The following ZNF469 variants were observed in gnomAD, a reference collection of about 807,000 sequenced individuals.
The protein encoded by ZNF469 is zinc finger protein 469.
Under a neutral mutation model 1.0 loss-of-function variants are expected in ZNF469, and 1 was observed. The ratio of observed to expected loss-of-function variants is 1.00; its 90% CI spans 0.35 to 4.73. ZNF469 has a LOEUF of 4.73. Ranked by LOEUF, ZNF469 falls within the 30% of genes most tolerant of loss-of-function variation. The pLI, the probability that ZNF469 is intolerant of heterozygous loss-of-function variation, is 0.16. For synonymous variants in ZNF469, 2,703 were observed against 2,363.4 expected, an observed-to-expected ratio of 1.14 and a Z score of -4.17; for missense variants, 6,100 against 5,356.3, an observed-to-expected ratio of 1.14 and a Z score of -4.33.
At chr16:88,297,908 G>A in the ZNF469 span, among the ~76,000 whole-genome samples, 1 of 152,132 alleles carries the variant, frequency 6.6e-6, no homozygotes, top group Non-Finnish European at 1.5e-5. Context: ...TTGTCCCCAG[G>A]AGTCCCTGGG....
the ZNF469 span, among the ~76,000 whole-genome samples, chr16:88,265,617 C>A: frequency 7.8e-3 from 1,187 of 152,306 alleles, 12 homozygotes; most frequent in African/African-American, 0.027. Context: ...GGCTGGGGAC[C>A]GCAAACACCT....
chr16:88,406,044 C>T (rs568086535), intron 1 of ZNF469, among the ~76,000 whole-genome samples: 2 of 152,330 alleles, frequency 1.3e-5, no homozygotes, highest in South Asian at 4.1e-4. Flanking sequence ...TGGAAGGTGG[C>T]GGGAGCCAGG....
the ZNF469 span, among the ~76,000 whole-genome samples, chr16:88,252,586 A>G: frequency 6.6e-6 from 1 of 152,200 alleles, no homozygotes; most frequent in South Asian, 2.1e-4. Flanking sequence ...GGGAAGGTTC[A>G]CATAACCACT....
chr16:88,144,310 C>G, the ZNF469 span, among the ~76,000 whole-genome samples: 1 of 152,190 alleles, frequency 6.6e-6, no homozygotes, highest in Non-Finnish European at 1.5e-5. Flanking sequence ...GAACCATGCA[C>G]AGTGTTGGCC....
chr16:88,301,636 C>T, the ZNF469 span, among the ~76,000 whole-genome samples: 1 of 152,232 alleles, frequency 6.6e-6, no homozygotes, highest in African/African-American at 2.4e-5. Context: ...TCCAGGAATT[C>T]CCAGGAGCTG....
the ZNF469 span, chr16:88,294,708 T>C: frequency 6.6e-6 from 1 of 152,254 alleles, no homozygotes; most frequent in African/African-American, 2.4e-5. Flanking sequence ...GGGTCTCTGC[T>C]TTCTTTGTAG....
At chr16:88,343,171 CG>C in the ZNF469 span, among the ~76,000 whole-genome samples, 17,568 of 152,058 alleles carry the variant, frequency 0.12, 1,297 homozygotes, top group African/African-American at 0.21. Flanking sequence ...CTCCTGGGTC[CG>C]TGGTAGCCCA....
At chr16:88,183,678 C>T in the ZNF469 span, among the ~76,000 whole-genome samples, 1 of 152,170 alleles carries the variant, frequency 6.6e-6, no homozygotes, top group African/African-American at 2.4e-5. Flanking sequence ...GGCAGAAGTG[C>T]CCCACTCTGG....
chr16:88,110,679 C>T, the ZNF469 span, among the ~76,000 whole-genome samples: 2 of 152,186 alleles, frequency 1.3e-5, no homozygotes, highest in African/African-American at 2.4e-5. Flanking sequence ...CAGAACCACT[C>T]GTCTTAAAGT....
chr16:88,255,182 G>T, the ZNF469 span, among the ~76,000 whole-genome samples: 2 of 152,214 alleles, frequency 1.3e-5, no homozygotes, highest in African/African-American at 4.8e-5. Context: ...GCTGTGGGTT[G>T]CTCTTGCCAA....
At chr16:88,407,668 C>A (rs1905058016) in intron 1 of ZNF469, among the ~76,000 whole-genome samples, 1 of 152,216 alleles carries the variant, frequency 6.6e-6, no homozygotes, top group Admixed American at 6.5e-5. Context: ...GGGTTCCAGG[C>A]CTGGCATGCA....
At chr16:88,347,095 G>T in the ZNF469 span, among the ~76,000 whole-genome samples, 1 of 152,172 alleles carries the variant, frequency 6.6e-6, no homozygotes, top group Non-Finnish European at 1.5e-5. Context: ...GAGCTTGGGC[G>T]GTCTCAGCAT....
the ZNF469 span, among the ~76,000 whole-genome samples, chr16:88,189,912 G>A: frequency 6.6e-6 from 1 of 152,208 alleles, no homozygotes; most frequent in African/African-American, 2.4e-5. The surrounding 1 kb of genome is among the most constrained non-coding windows in gnomAD (Gnocchi z 4.3). Flanking sequence ...GAGTGGGACT[G>A]TGTCGGAAAG....
the ZNF469 span, among the ~76,000 whole-genome samples, chr16:88,332,422 G>T: frequency 4.6e-5 from 7 of 152,206 alleles, no homozygotes; most frequent in South Asian, 2.1e-4. Context: ...CCTCTGTGCC[G>T]GCTCTCCTGG....
At chr16:88,120,123 G>T in the ZNF469 span, among the ~76,000 whole-genome samples, 1 of 152,222 alleles carries the variant, frequency 6.6e-6, no homozygotes, top group Non-Finnish European at 1.5e-5. Flanking sequence ...GTCCCGTGGA[G>T]GGGGAGGCAT....
chr16:88,248,192 G>A, the ZNF469 span, among the ~76,000 whole-genome samples: 1 of 152,178 alleles, frequency 6.6e-6, no homozygotes, highest in East Asian at 1.9e-4. Context: ...TAAGGGAACA[G>A]AGAAAGCACT....
chr16:88,297,531 G>T, the ZNF469 span, among the ~76,000 whole-genome samples: 1 of 152,190 alleles, frequency 6.6e-6, no homozygotes, highest in African/African-American at 2.4e-5. Context: ...ACGGCACACG[G>T]CAAGTGGGAA....
At chr16:88,373,246 C>A in the ZNF469 span, among the ~76,000 whole-genome samples, 2 of 152,226 alleles carry the variant, frequency 1.3e-5, no homozygotes, top group African/African-American at 4.8e-5. Context: ...GCTCCTCCTG[C>A]AGTGGCCACA....
intron 1 of ZNF469, among the ~76,000 whole-genome samples, chr16:88,409,532 A>G (rs8051661): frequency 0.11 from 16,907 of 152,048 alleles, 1,096 homozygotes; most frequent in African/African-American, 0.16. Context: ...GTGTGGGAGG[A>G]AGAGACCCTC....
Sources: gnomAD v4.1 joint callset for allele counts (sites outside exome capture counted in the v4.1 genomes callset) on GRCh38, gnomAD v4.1.1 for gene constraint, Gnocchi (gnomAD v3.1) non-coding constraint, MANE v1.5 for transcripts, NCBI Gene and HGNC (gene_info 2026-07-23, HGNC 2026-07-21) for gene names.